The following NECAB1 variants were observed in gnomAD, a reference collection of about 807,000 sequenced individuals.
NECAB1 encodes the protein N-terminal EF-hand calcium-binding protein 1.
Under a neutral mutation model 57.5 loss-of-function variants are expected in NECAB1, and 29 were observed. The ratio of observed to expected loss-of-function variants is 0.50; its 90% CI spans 0.38 to 0.69. The LOEUF is 0.69. Among genes scored for constraint, NECAB1 ranks in the 30% least tolerant of loss-of-function variants. NECAB1 has a pLI of 0.00. For missense variants in NECAB1, 372 were observed against 413.8 expected, an observed-to-expected ratio of 0.90 and a Z score of 0.88; for synonymous variants, 142 against 147.7, an observed-to-expected ratio of 0.96 and a Z score of 0.28.
In NECAB1 at chr8:90,958,227, T is replaced by G. The variant is rs1233064037; in HGVS notation, c.*2715T>G. The G allele has an allele frequency of 6.6e-6, 1 of 151,580 alleles. No individual in the cohort carries two copies. Among genetic ancestry groups the G allele is most frequent in the African/African-American group, 2.4e-5 (1 of 41,358 alleles). 9.4% of individuals were successfully genotyped at this position (151,580 alleles called of 1,614,324 possible). On this transcript the variant is annotated 3_prime_UTR_variant, in exon 13 of 13. Transcript: ENST00000417640. Reference sequence around the variant, plus strand: ...AATTATCGAATTAAAACTTAATGTATGTCAATTATTTTCAAATGTCTAAAT... The same window carrying G: ...AATTATCGAATTAAAACTTAATGTAGGTCAATTATTTTCAAATGTCTAAAT...
Position 90,940,820 on chromosome 8 carries a change from T to A in NECAB1, c.782T>A (p.Ile261Lys), listed in dbSNP as rs1361956151. Residue 261 changes from isoleucine to lysine, a missense_variant, in exon 10 of 13, where the codon ATA becomes AAA. Ile to Lys is a moderately radical substitution (Grantham distance 102). Transcript: ENST00000417640. Reference protein sequence around the residue: ...IMLVQRQMSVIEEDLEEFQLA... With the variant: ...IMLVQRQMSVKEEDLEEFQLA... ...CTTGTGCAGCGGCAGATGTCTGTGA[T>A]AGAAGAGGACCTGGAAGAATTCCAG... is the stretch of plus-strand genomic sequence containing the variant. The A allele has an allele frequency of 3.2e-6, 5 of 1,563,698 alleles. No homozygotes were observed. In the Admixed American group the frequency reaches 9.5e-5, roughly 30 times the overall value.
At chr8:90,903,118 G>A (rs1809547411) in intron 5 of NECAB1, among the ~76,000 whole-genome samples, 1 of 151,628 alleles carries the variant, frequency 6.6e-6, no homozygotes, top group African/African-American at 2.4e-5. Context: ...AGTTGGTTTT[G>A]AAAAAACAAT....
chr8:90,808,806 C>T (rs1398487565), intron 2 of NECAB1, among the ~76,000 whole-genome samples: 3 of 151,876 alleles, frequency 2.0e-5, no homozygotes, highest in East Asian at 3.9e-4. Flanking sequence ...CCACCATGCC[C>T]GGCTAATTTT....
intron 3 of NECAB1, among the ~76,000 whole-genome samples, chr8:90,865,076 A>G (rs1187218829): frequency 6.6e-6 from 1 of 152,160 alleles, no homozygotes; most frequent in African/African-American, 2.4e-5. Flanking sequence ...ATGATGTTAT[A>G]GAAGAATGGA....
chr8:90,934,219 T>C lies in NECAB1; in HGVS notation c.694-85T>C, dbSNP rs1039952027. ...AGTTCTTTTGGTTCAATGTTAGCCA[T>C]GAGAGAACTATGATTTGAATATATG... On this transcript the variant is annotated intron_variant, in intron 8 of 12. Coordinates refer to ENST00000417640, the MANE Select transcript of NECAB1 (RefSeq NM_022351.5). The C allele has an allele frequency of 7.5e-6, 7 of 934,978 alleles. No homozygotes were observed. In the African/African-American group the frequency reaches 1.0e-4, roughly 14 times the overall value. 57.9% of individuals were successfully genotyped at this position (934,978 alleles called of 1,614,324 possible). A position where few individuals can be genotyped will look rare whatever the true frequency, so the allele number is the denominator to read the frequency against.
intron 3 of NECAB1, among the ~76,000 whole-genome samples, chr8:90,835,316 T>G (rs1441224019): frequency 1.3e-5 from 2 of 152,142 alleles, no homozygotes; most frequent in East Asian, 3.9e-4. Context: ...CTTAGCATAG[T>G]AAAGTTTTCC....
At chr8:90,887,061 T>C (rs1424114822) in intron 5 of NECAB1, among the ~76,000 whole-genome samples, 1 of 152,196 alleles carries the variant, frequency 6.6e-6, no homozygotes, top group Admixed American at 6.5e-5. Flanking sequence ...GTATACACAT[T>C]TGGTAACTAG....
intron 1 of NECAB1, among the ~76,000 whole-genome samples, chr8:90,799,593 A>C (rs984863708): frequency 6.6e-6 from 1 of 151,836 alleles, no homozygotes; most frequent in Non-Finnish European, 1.5e-5. Context: ...ATTTTTGTTG[A>C]TTTTGTTGAA....
At chr8:90,810,955 T>C (rs1811948539) in intron 2 of NECAB1, among the ~76,000 whole-genome samples, 1 of 151,806 alleles carries the variant, frequency 6.6e-6, no homozygotes, top group Admixed American at 6.6e-5. Flanking sequence ...TTTTTTTTTT[T>C]TCTTTTTTTT....
At chr8:90,809,173 C>T (rs968257792) in intron 2 of NECAB1, among the ~76,000 whole-genome samples, 8 of 152,158 alleles carry the variant, frequency 5.3e-5, no homozygotes, top group African/African-American at 1.4e-4. Flanking sequence ...TGGTGCTTTG[C>T]GCCCAGCCAC....
chr8:90,813,922 T>C (rs1284052071), intron 2 of NECAB1, among the ~76,000 whole-genome samples: 1 of 152,234 alleles, frequency 6.6e-6, no homozygotes, highest in East Asian at 1.9e-4. Flanking sequence ...AATTAATTAG[T>C]ATGGTACATT....
chr8:90,882,647 CT>C (rs1166225475), intron 5 of NECAB1, among the ~76,000 whole-genome samples: 1 of 151,850 alleles, frequency 6.6e-6, no homozygotes, highest in Non-Finnish European at 1.5e-5. Flanking sequence ...ACCACTCTAT[CT>C]AAAAAAAAAG....
At chr8:90,858,647 A>G (rs1812839811) in intron 3 of NECAB1, among the ~76,000 whole-genome samples, 1 of 152,026 alleles carries the variant, frequency 6.6e-6, no homozygotes, top group Admixed American at 6.6e-5. Flanking sequence ...CAGCAAATGT[A>G]ATTCCTCAGA....
intron 3 of NECAB1, among the ~76,000 whole-genome samples, chr8:90,857,057 A>G (rs1812807510): frequency 6.6e-6 from 1 of 152,174 alleles, no homozygotes; most frequent in African/African-American, 2.4e-5. Context: ...CCCTAGGGTA[A>G]GCACAAAATA....
chr8:90,905,898 A>AT (rs1329545268), intron 5 of NECAB1, among the ~76,000 whole-genome samples: 1 of 151,992 alleles, frequency 6.6e-6, no homozygotes, highest in Non-Finnish European at 1.5e-5. Context: ...TTGGATGTTT[A>AT]TTTTTTGGAA....
chr8:90,838,086 G>C (rs1475090503), intron 3 of NECAB1, among the ~76,000 whole-genome samples: 1 of 151,880 alleles, frequency 6.6e-6, no homozygotes, highest in Non-Finnish European at 1.5e-5. Flanking sequence ...AAAAAATAAG[G>C]GTGTGTTTTT....
At chr8:90,795,763 T>C (rs1811650727) in intron 1 of NECAB1, among the ~76,000 whole-genome samples, 1 of 151,808 alleles carries the variant, frequency 6.6e-6, no homozygotes, top group African/African-American at 2.4e-5. Flanking sequence ...AGTGAGATTG[T>C]CCAGTTCAGA....
At chr8:90,861,391 A>G (rs879366966) in intron 3 of NECAB1, among the ~76,000 whole-genome samples, 3 of 152,216 alleles carry the variant, frequency 2.0e-5, no homozygotes, top group Non-Finnish European at 4.4e-5. Flanking sequence ...GACATAGGGC[A>G]AGATATAAAT....
chr8:90,908,124 T>C (rs1308776832), intron 5 of NECAB1, among the ~76,000 whole-genome samples: 1 of 152,188 alleles, frequency 6.6e-6, no homozygotes, highest in Non-Finnish European at 1.5e-5. Flanking sequence ...TATAGGACTG[T>C]GGTTAAAATA....
Sources: allele counts gnomAD v4.1 joint callset (sites outside exome capture counted in the v4.1 genomes callset), GRCh38; gene constraint gnomAD v4.1.1; transcripts MANE v1.5; gene names NCBI Gene and HGNC (gene_info 2026-07-23, HGNC 2026-07-21).